BABAM2: variants seen among roughly 807,000 people sequenced by gnomAD.
BABAM2 encodes the protein BRISC and BRCA1 A complex member 2, also known as BRISC and BRCA1-A complex member 2.
In BABAM2, 31 loss-of-function variants were observed where a neutral mutation model predicts 54.7. That is an observed-to-expected ratio of 0.57 (90% CI 0.43 to 0.77). BABAM2 has a LOEUF of 0.77. Among genes scored for constraint, BABAM2 ranks in the 30% least tolerant of loss-of-function variants. The probability of loss-of-function intolerance (pLI) is 0.00; values close to 1 mark genes in which losing one functional copy is unlikely to be tolerated. For synonymous variants in BABAM2, 167 were observed against 162.9 expected (o/e 1.03, Z -0.19); for missense variants, 364 against 455.8 (o/e 0.80, Z 1.83).
chr2:28,060,390 G>C (rs908937990), intron 6 of BABAM2, among the ~76,000 whole-genome samples: 15 of 152,080 alleles, frequency 9.9e-5, no homozygotes, highest in African/African-American at 3.4e-4. Context: ...CCTATAGCTA[G>C]TATCATACTT....
intron 3 of BABAM2, among the ~76,000 whole-genome samples, chr2:27,976,884 G>C (rs528734238): frequency 2.2e-4 from 33 of 152,294 alleles, no homozygotes; most frequent in African/African-American, 7.9e-4. Context: ...AAGTCTAGGA[G>C]AGGGATATGG....
Position 27,910,970 on chromosome 2 carries a change from C to T in BABAM2, c.128+16286C>T, listed in dbSNP as rs202035858. 5.9e-5 allele frequency among the ~76,000 whole-genome samples: 9 copies of T among 152,260 alleles called. No individual in the cohort carries two copies. In the East Asian group the frequency reaches 1.4e-3, roughly 23 times the overall value. ...ATTGAATCCTGGGGGTGGTTACCCC[C>T]GTGCTGCTGTTCTTGTGATAGTGAG... On this transcript the variant is annotated intron_variant, in intron 2 of 11. Coordinates refer to ENST00000379624, the MANE Select transcript of BABAM2 (RefSeq NM_199191.3).
intron 11 of BABAM2, among the ~76,000 whole-genome samples, chr2:28,312,390 T>C (rs1689163116): frequency 6.6e-6 from 1 of 152,166 alleles, no homozygotes; most frequent in Non-Finnish European, 1.5e-5. Context: ...ATACAGAGTA[T>C]GTACAAAGCA....
intron 9 of BABAM2, among the ~76,000 whole-genome samples, chr2:28,242,026 GC>G (rs1682489650): frequency 6.6e-6 from 1 of 152,008 alleles, no homozygotes. Flanking sequence ...TCACCTCCAT[GC>G]CCTCACAGTA....
intron 6 of BABAM2, 58 bp from the exon 7 acceptor site, chr2:28,129,213 C>T (rs2148767867): frequency 6.8e-7 from 1 of 1,465,800 alleles, no homozygotes; most frequent in East Asian, 2.3e-5. Flanking sequence ...GTGAGCTTGA[C>T]ACTAATAAGA....
chr2:28,048,972 T>C (rs1677806934), intron 6 of BABAM2, among the ~76,000 whole-genome samples: 1 of 152,234 alleles, frequency 6.6e-6, no homozygotes, highest in Admixed American at 6.5e-5. Flanking sequence ...CTAAGAAGGC[T>C]GTGTTTTTGT....
chr2:28,098,922 C>T (rs974570698), intron 6 of BABAM2, among the ~76,000 whole-genome samples: 8 of 152,144 alleles, frequency 5.3e-5, no homozygotes, highest in African/African-American at 1.9e-4. Context: ...AGATCACAGA[C>T]TTTAAACTGT....
chr2:27,930,887 C>T (rs867893100), intron 3 of BABAM2, among the ~76,000 whole-genome samples: 4 of 152,296 alleles, frequency 2.6e-5, no homozygotes, highest in Middle Eastern at 3.4e-3. Flanking sequence ...TTGTGGTGAA[C>T]AGCCTATTAA....
At chr2:28,334,120 C>T (rs1488938776) in intron 11 of BABAM2, among the ~76,000 whole-genome samples, 2 of 152,238 alleles carry the variant, frequency 1.3e-5, no homozygotes, top group Non-Finnish European at 2.9e-5. Flanking sequence ...CACGCTTCCC[C>T]TTGGCAGCAC....
chr2:28,172,868 T>A (rs888417569), intron 7 of BABAM2, among the ~76,000 whole-genome samples: 2 of 152,146 alleles, frequency 1.3e-5, no homozygotes, highest in Admixed American at 1.3e-4. Flanking sequence ...ATAGACTGAG[T>A]GACTTAAACA....
In BABAM2 at chr2:28,233,499, T is replaced by TAAGTAAG. The variant is rs1183903389; in HGVS notation, c.681-3703_681-3702insAAGTAAG. Among the ~76,000 whole-genome samples, 3 of 152,222 alleles carry TAAGTAAG rather than the reference T, an allele frequency of 2.0e-5. No homozygotes were observed. In the East Asian group the frequency reaches 5.8e-4, roughly 29 times the overall value. ...ATTTCATGGCACTTTACTTAGTTTA[T>TAAGTAAG]TCAGCATGATCAGGGCAGCATTCAG... On this transcript the variant is annotated intron_variant, in intron 7 of 11. Transcript: ENST00000379624.
At chr2:28,287,738 C>T (rs577384219) in intron 10 of BABAM2, among the ~76,000 whole-genome samples, 8 of 152,140 alleles carry the variant, frequency 5.3e-5, no homozygotes, top group South Asian at 2.1e-4. Flanking sequence ...GAGCCAGGCC[C>T]GAGGAAATGA....
chr2:28,273,330 C>T (rs146637386), intron 10 of BABAM2, among the ~76,000 whole-genome samples: 2 of 152,332 alleles, frequency 1.3e-5, no homozygotes, highest in Non-Finnish European at 2.9e-5. Flanking sequence ...GACTGAGCAC[C>T]TCCTGCCTTT....
At chr2:28,226,762 G>A (rs943878621) in intron 7 of BABAM2, among the ~76,000 whole-genome samples, 3 of 152,088 alleles carry the variant, frequency 2.0e-5, no homozygotes, top group Admixed American at 6.6e-5. Context: ...GGAGAACTGG[G>A]CCAGTGCCCT....
At chr2:28,282,817 G>A (rs1038833525) in intron 10 of BABAM2, among the ~76,000 whole-genome samples, 2 of 151,794 alleles carry the variant, frequency 1.3e-5, no homozygotes, top group Non-Finnish European at 2.9e-5. Flanking sequence ...CGCCAACATG[G>A]TGAAACCCCA....
intron 3 of BABAM2, among the ~76,000 whole-genome samples, chr2:27,949,066 C>T (rs758955084): frequency 5.3e-5 from 8 of 152,148 alleles, no homozygotes; most frequent in Admixed American, 3.3e-4. Flanking sequence ...TGCTGCTGTG[C>T]GAAGACTCTC....
At chr2:28,307,431 T>C (rs897114887) in intron 11 of BABAM2, among the ~76,000 whole-genome samples, 7 of 151,838 alleles carry the variant, frequency 4.6e-5, no homozygotes, top group African/African-American at 1.7e-4. Context: ...TTTGTCCTTT[T>C]CTTCCTGTAT....
chr2:27,993,621 G>T (rs1428379939), intron 4 of BABAM2, among the ~76,000 whole-genome samples: 3 of 152,142 alleles, frequency 2.0e-5, no homozygotes, highest in African/African-American at 7.2e-5. Flanking sequence ...AAATTTAAAT[G>T]AGAAAAGCAT....
chr2:28,181,619 C>T (rs929778438), intron 7 of BABAM2, among the ~76,000 whole-genome samples: 1 of 151,982 alleles, frequency 6.6e-6, no homozygotes, highest in African/African-American at 2.4e-5. Flanking sequence ...CCTAAATACC[C>T]TGATTTTGAT....
Sources: allele counts gnomAD v4.1 joint callset (sites outside exome capture counted in the v4.1 genomes callset), GRCh38; gene constraint gnomAD v4.1.1; transcripts MANE v1.5; gene names NCBI Gene and HGNC (gene_info 2026-07-23, HGNC 2026-07-21).